The following CADM2 variants were observed in gnomAD, a reference collection of about 807,000 sequenced individuals.
CADM2 encodes immunoglobulin superfamily member 4D.
CADM2 carries 12 observed loss-of-function variants against 49.8 expected under a neutral mutation model. The ratio of observed to expected loss-of-function variants is 0.24; its 90% CI spans 0.15 to 0.39. The LOEUF (loss-of-function observed/expected upper bound fraction) is 0.39, where lower values mean the gene tolerates loss of function less well. Ranked by LOEUF, CADM2 falls within the 10% of genes least tolerant of loss-of-function variation. The pLI, the probability that CADM2 is intolerant of heterozygous loss-of-function variation, is 1.00. For synonymous variants in CADM2, 214 were observed against 175.4 expected (o/e 1.22, Z -1.74); for missense variants, 378 against 492.3 (o/e 0.77, Z 2.20).
chr3:85,483,114 T>A (rs1483959491), intron 1 of CADM2, among the ~76,000 whole-genome samples: 1 of 151,534 alleles, frequency 6.6e-6, no homozygotes, highest in African/African-American at 2.4e-5. Context: ...TGAGTCATGT[T>A]TAATTTTTAT....
At chr3:85,607,161 C>T (rs1375564) in intron 1 of CADM2, among the ~76,000 whole-genome samples, 79,980 of 152,000 alleles carry the variant, frequency 0.53, 23,787 homozygotes, top group East Asian at 0.81. Context: ...AAGATGAAGA[C>T]ATTAACATTT....
intron 2 of CADM2, among the ~76,000 whole-genome samples, chr3:85,731,970 G>A (rs58365075): frequency 0.11 from 16,880 of 151,334 alleles, 1,840 homozygotes; most frequent in African/African-American, 0.27. Flanking sequence ...AAAGTGGGCC[G>A]GGTGTGATGG....
chr3:85,077,094 G>T (rs1355755270), intron 1 of CADM2, among the ~76,000 whole-genome samples: 1 of 152,140 alleles, frequency 6.6e-6, no homozygotes, highest in Non-Finnish European at 1.5e-5. Context: ...TTTTAATATT[G>T]CTTCTGTCTA....
At chr3:85,318,377 A>T (rs1371836183) in intron 1 of CADM2, among the ~76,000 whole-genome samples, 1 of 152,086 alleles carries the variant, frequency 6.6e-6, no homozygotes, top group Non-Finnish European at 1.5e-5. Context: ...AGATGCAGTA[A>T]CAGAATTGGA....
chr3:85,297,190 TTA>T (rs1161622430), intron 1 of CADM2, among the ~76,000 whole-genome samples: 1 of 134,044 alleles, frequency 7.5e-6, no homozygotes, highest in African/African-American at 4.1e-5. Context: ...GTCAGATAAG[TTA>T]AGTAATTTGT....
intron 1 of CADM2, among the ~76,000 whole-genome samples, chr3:84,990,190 T>A (rs2032801269): frequency 6.6e-6 from 1 of 151,618 alleles, no homozygotes. Context: ...TGTATAATTA[T>A]CCTTAAAGAC....
At chr3:85,526,351 T>A (rs1290817948) in intron 1 of CADM2, among the ~76,000 whole-genome samples, 2 of 152,114 alleles carry the variant, frequency 1.3e-5, no homozygotes, top group Non-Finnish European at 2.9e-5. Context: ...TTTGCAAGTG[T>A]TCTAACAGGA....
intron 1 of CADM2, among the ~76,000 whole-genome samples, chr3:85,390,373 C>G (rs2034459394): frequency 6.6e-6 from 1 of 152,022 alleles, no homozygotes; most frequent in South Asian, 2.1e-4. Context: ...TGTTTGCTTA[C>G]TTTTTTCCAA....
intron 1 of CADM2, among the ~76,000 whole-genome samples, chr3:85,400,027 A>C (rs1325434063): frequency 6.6e-6 from 1 of 152,130 alleles, no homozygotes; most frequent in African/African-American, 2.4e-5. Flanking sequence ...GTCTTGTGCC[A>C]GTTTTCAAAG....
chr3:85,945,859 A>T (rs1559758869), intron 7 of CADM2, among the ~76,000 whole-genome samples: 1 of 152,106 alleles, frequency 6.6e-6, no homozygotes, highest in Non-Finnish European at 1.5e-5. Context: ...TTCCCTTTGA[A>T]AACTGGCACA....
chr3:85,790,905 T>G (rs1261110250), intron 2 of CADM2, among the ~76,000 whole-genome samples: 1 of 152,092 alleles, frequency 6.6e-6, no homozygotes, highest in African/African-American at 2.4e-5. Flanking sequence ...TGCTCCACAG[T>G]GGCTGGGCAG....
Position 85,290,619 on chromosome 3 carries a change from G to T in CADM2, c.61+330951G>T, listed in dbSNP as rs188048774. Among the ~76,000 whole-genome samples the T allele has an allele frequency of 2.5e-3, 384 of 152,316 alleles. 1 individual carries two copies. The highest frequency in any genetic ancestry group is 8.6e-3 in the African/African-American group (359 of 41,578). On this transcript the variant is annotated intron_variant, in intron 1 of 9. Coordinates refer to ENST00000383699, the MANE Select transcript of CADM2 (RefSeq NM_001167675.2). Reference sequence around the variant, plus strand: ...GAAGGGGCAGACTGCCTCCTCAAGTGGGTCCCTGACCCTTGACCCCTGAGC... The same window carrying T: ...GAAGGGGCAGACTGCCTCCTCAAGTTGGTCCCTGACCCTTGACCCCTGAGC...
intron 1 of CADM2, among the ~76,000 whole-genome samples, chr3:85,457,112 A>AAAAAG (rs1366979414): frequency 9.5e-4 from 145 of 152,260 alleles, no homozygotes; most frequent in African/African-American, 3.4e-3. Context: ...AAGAAGAAGA[A>AAAAAG]AAAAGAAAAG....
chr3:85,742,933 T>A (rs1248030375), intron 2 of CADM2, among the ~76,000 whole-genome samples: 2 of 152,196 alleles, frequency 1.3e-5, no homozygotes, highest in African/African-American at 2.4e-5. Context: ...CTGCATGTTA[T>A]ATAAGTACTT....
intron 1 of CADM2, among the ~76,000 whole-genome samples, chr3:85,175,157 T>C (rs1044544472): frequency 6.6e-6 from 1 of 152,084 alleles, no homozygotes; most frequent in Non-Finnish European, 1.5e-5. Flanking sequence ...CAAGTGTATG[T>C]AAGGATGCAG....
At chr3:84,966,147 C>T (rs908057995) in intron 1 of CADM2, among the ~76,000 whole-genome samples, 6 of 151,974 alleles carry the variant, frequency 3.9e-5, no homozygotes, top group East Asian at 1.9e-4. Flanking sequence ...TATACGAAAC[C>T]GTTTTCATCT....
chr3:85,392,749 A>G (rs1227665349), intron 1 of CADM2, among the ~76,000 whole-genome samples: 3 of 152,070 alleles, frequency 2.0e-5, no homozygotes, highest in Non-Finnish European at 4.4e-5. Context: ...AATGAGCTTA[A>G]TAAACTTAGA....
At chr3:85,534,403 G>A (rs1299795784) in intron 1 of CADM2, among the ~76,000 whole-genome samples, 1 of 152,132 alleles carries the variant, frequency 6.6e-6, no homozygotes, top group Non-Finnish European at 1.5e-5. Flanking sequence ...TAGTCTTGTA[G>A]ACCAACTATT....
intron 8 of CADM2, among the ~76,000 whole-genome samples, chr3:85,989,653 G>A (rs1577878080): frequency 6.6e-6 from 1 of 152,208 alleles, no homozygotes; most frequent in Non-Finnish European, 1.5e-5. Flanking sequence ...ACTCAGAGCA[G>A]TTACATGTCA....
Sources: gnomAD v4.1 joint callset for allele counts (sites outside exome capture counted in the v4.1 genomes callset) on GRCh38, gnomAD v4.1.1 for gene constraint, MANE v1.5 for transcripts, NCBI Gene and HGNC (gene_info 2026-07-23, HGNC 2026-07-21) for gene names.